The following PPP1R7 variants were observed in gnomAD, a reference collection of about 807,000 sequenced individuals.
The protein encoded by PPP1R7 is protein phosphatase 1 regulatory subunit 7, also known as protein phosphatase 1 regulatory subunit 22.
PPP1R7 carries 18 observed loss-of-function variants against 45.2 expected under a neutral mutation model. The ratio of observed to expected loss-of-function variants is 0.40; its 90% CI spans 0.28 to 0.59. PPP1R7 has a LOEUF of 0.59. PPP1R7 is among the 20% of genes least tolerant of loss of function. PPP1R7 has a pLI of 0.46. For missense variants in PPP1R7, 314 were observed against 455.8 expected, an observed-to-expected ratio of 0.69 and a Z score of 2.83; for synonymous variants, 181 against 183.4, an observed-to-expected ratio of 0.99 and a Z score of 0.11.
chr2:241,177,314 G>A (rs1214813572), intron 9 of PPP1R7, among the ~76,000 whole-genome samples: 1 of 152,166 alleles, frequency 6.6e-6, no homozygotes, highest in African/African-American at 2.4e-5. Flanking sequence ...CTACTCGGGA[G>A]GCTGAGGCAG....
At chr2:241,166,918 A>G in intron 8 of PPP1R7, 1 of 772,548 alleles carries the variant, frequency 1.3e-6, no homozygotes, top group Non-Finnish European at 2.1e-6. Context: ...ACCAGCTCTC[A>G]GTCCCAGCCC....
At chr2:241,167,057 C>A in intron 8 of PPP1R7, 1 of 1,612,582 alleles carries the variant, frequency 6.2e-7, no homozygotes, top group Admixed American at 1.7e-5. Flanking sequence ...GCAGGACAGC[C>A]TCACGTACTG....
chr2:241,154,179 C>CAAAAAAAA (rs1167747738), intron 2 of PPP1R7, among the ~76,000 whole-genome samples: 3 of 50,490 alleles, frequency 5.9e-5, no homozygotes, highest in African/African-American at 2.1e-4. Context: ...TACTCCTTCT[C>CAAAAAAAA]AAAAAAAAAA....
chr2:241,154,530 A>G (rs2067403403), intron 2 of PPP1R7, among the ~76,000 whole-genome samples: 2 of 152,206 alleles, frequency 1.3e-5, no homozygotes, highest in Middle Eastern at 3.4e-3. Context: ...TCTACTAAAA[A>G]TACAAAAAAA....
intron 9 of PPP1R7, among the ~76,000 whole-genome samples, chr2:241,182,315 C>T (rs1485117858): frequency 5.3e-5 from 8 of 152,216 alleles, no homozygotes; most frequent in Non-Finnish European, 1.2e-4. Context: ...GAAAGTGCAG[C>T]CCACCCTGCT....
Position 241,166,486 on chromosome 2 carries a change from C to T in PPP1R7, c.819+45C>T, listed in dbSNP as rs113326634. The T allele has an allele frequency of 6.9e-5, 108 of 1,569,556 alleles. 1 individual carries two copies. In the African/African-American group the frequency reaches 7.8e-4, roughly 11 times the overall value. On this transcript the variant is annotated intron_variant, in intron 8 of 9. Transcript: ENST00000234038. ...TCTGGGGCTGTGTGGGCGGTGGGCACCAGGCGGGCAGGCACCTGGCCAGCC... is the reference window on the plus strand; with the variant it reads ...TCTGGGGCTGTGTGGGCGGTGGGCATCAGGCGGGCAGGCACCTGGCCAGCC...
At chr2:241,163,702 C>G (rs1335473759) in intron 7 of PPP1R7, among the ~76,000 whole-genome samples, 2 of 152,162 alleles carry the variant, frequency 1.3e-5, no homozygotes, top group Non-Finnish European at 1.5e-5. Flanking sequence ...CTCCTGGGCT[C>G]AAGCCAGCTT....
upstream of PPP1R7, chr2:241,150,238 TC>T (rs1309242375): frequency 8.6e-6 from 11 of 1,282,636 alleles, no homozygotes; most frequent in African/African-American, 1.7e-4. Flanking sequence ...CCGCTTCGAC[TC>T]CCTCTGCTTT....
intron 6 of PPP1R7, among the ~76,000 whole-genome samples, chr2:241,162,610 C>T (rs1468492125): frequency 5.3e-5 from 8 of 151,686 alleles, no homozygotes; most frequent in Non-Finnish European, 1.5e-5. Flanking sequence ...AAGTGAGGGT[C>T]CCAGGATTTC....
At chr2:241,176,741 G>C (rs922526798) in intron 9 of PPP1R7, among the ~76,000 whole-genome samples, 1 of 152,176 alleles carries the variant, frequency 6.6e-6, no homozygotes, top group Non-Finnish European at 1.5e-5. Flanking sequence ...GATTACAGGC[G>C]TGAGCCACTG....
intron 9 of PPP1R7, among the ~76,000 whole-genome samples, chr2:241,172,322 C>T (rs919474659): frequency 7.2e-5 from 11 of 152,058 alleles, no homozygotes; most frequent in Admixed American, 4.6e-4. Flanking sequence ...AAATATCTTA[C>T]GATCCCCATG....
intron 9 of PPP1R7, among the ~76,000 whole-genome samples, chr2:241,172,843 C>A (rs1368083464): frequency 6.6e-6 from 1 of 151,898 alleles, no homozygotes; most frequent in Non-Finnish European, 1.5e-5. Context: ...AATTTGCCTG[C>A]ATTTTTGGAA....
In PPP1R7 at chr2:241,159,433, C is replaced by T. The variant is rs1393098557; in HGVS notation, c.434+90C>T. Reference sequence around the variant, plus strand: ...CTCCAGAGCCAACCTCCTGCTGGCTCTTAGCCCTTGAGAGGCTGCCTCTGC... The same window carrying T: ...CTCCAGAGCCAACCTCCTGCTGGCTTTTAGCCCTTGAGAGGCTGCCTCTGC... On this transcript the variant is annotated intron_variant, in intron 5 of 9. Coordinates refer to ENST00000234038, the MANE Select transcript of PPP1R7 (RefSeq NM_002712.3). The T allele has an allele frequency of 9.9e-6, 15 of 1,514,886 alleles. No individual in the cohort carries two copies. In the Admixed American group the frequency reaches 2.9e-4, roughly 29 times the overall value. The allele number at this position is 1,514,886 out of a possible 1,614,324, so 93.8% of individuals were successfully genotyped here.
chr2:241,176,360 C>A (rs2067907799), intron 9 of PPP1R7, among the ~76,000 whole-genome samples: 1 of 152,222 alleles, frequency 6.6e-6, no homozygotes, highest in African/African-American at 2.4e-5. Context: ...ACAGCTCACA[C>A]CCAGGTACCA....
chr2:241,176,720 C>G (rs2067914144), intron 9 of PPP1R7, among the ~76,000 whole-genome samples: 1 of 152,158 alleles, frequency 6.6e-6, no homozygotes, highest in Admixed American at 6.6e-5. Flanking sequence ...CTCGGCTTCC[C>G]AAAGTGTTGG....
Position 241,170,783 on chromosome 2 carries a change from G to T in PPP1R7, c.906+916G>T, listed in dbSNP as rs1425149469. Among the ~76,000 whole-genome samples, 2 of 152,162 alleles carry T rather than the reference G, an allele frequency of 1.3e-5. 1 individual carries two copies. The highest frequency in any genetic ancestry group is 2.9e-5 in the Non-Finnish European group (2 of 68,032). Reference sequence around the variant, plus strand: ...TGCAAATGTTCCTTGCCCCTTATTAGTGGCACTGGGTCTTGAGTAGTGTCA... The same window carrying T: ...TGCAAATGTTCCTTGCCCCTTATTATTGGCACTGGGTCTTGAGTAGTGTCA... On this transcript the variant is annotated intron_variant, in intron 9 of 9. Transcript: ENST00000234038.
At chr2:241,150,342 C>T, upstream of PPP1R7, 1 of 1,323,542 alleles carries the variant, frequency 7.6e-7, no homozygotes, top group Non-Finnish European at 9.7e-7. Context: ...CATGACGGAA[C>T]TACAACTCCC....
At chr2:241,180,096 AAAG>A (rs1475162881) in intron 9 of PPP1R7, among the ~76,000 whole-genome samples, 12 of 152,226 alleles carry the variant, frequency 7.9e-5, no homozygotes, top group African/African-American at 2.4e-4. Context: ...ACATATCGAG[AAAG>A]AAGGAGGTGA....
Position 241,183,426 on chromosome 2 carries a change from G to A in PPP1R7, c.*603G>A, listed in dbSNP as rs764688281. Reference sequence around the variant, plus strand: ...GGCAGGGCTGACTGTTTTCACGTGTGCCCGTCAGTTCTCGCCACATCCCTT... The same window carrying A: ...GGCAGGGCTGACTGTTTTCACGTGTACCCGTCAGTTCTCGCCACATCCCTT... On this transcript the variant is annotated 3_prime_UTR_variant, in exon 10 of 10. Coordinates refer to ENST00000234038, the MANE Select transcript of PPP1R7 (RefSeq NM_002712.3). 3.4e-5 allele frequency: 16 copies of A among 471,058 alleles called. No individual in the cohort carries two copies. Among genetic ancestry groups the A allele is most frequent in the Non-Finnish European group, 5.7e-5 (13 of 227,068 alleles). The allele number at this position is 471,058 out of a possible 1,614,324, so 29.2% of individuals were successfully genotyped here.
Sources: allele counts gnomAD v4.1 joint callset (sites outside exome capture counted in the v4.1 genomes callset), GRCh38; gene constraint gnomAD v4.1.1; transcripts MANE v1.5; gene names NCBI Gene and HGNC (gene_info 2026-07-23, HGNC 2026-07-21).